Variants in CLSTN1 observed in about 807,000 individuals in gnomAD.
The protein encoded by CLSTN1 is calsyntenin-1.
A neutral mutation model predicts 108.3 loss-of-function variants in CLSTN1; 28 were observed. That is an observed-to-expected ratio of 0.26 (90% CI 0.19 to 0.35). The LOEUF is 0.35. CLSTN1 is among the 10% of genes least tolerant of loss of function. The pLI is 1.00. For missense variants in CLSTN1, 1,157 were observed against 1,302.6 expected, an observed-to-expected ratio of 0.89 and a Z score of 1.72; for synonymous variants, 524 against 534.9, an observed-to-expected ratio of 0.98 and a Z score of 0.28.
intron 1 of CLSTN1, among the ~76,000 whole-genome samples, chr1:9,819,830 C>T (rs1403810506): frequency 6.6e-6 from 1 of 152,084 alleles, no homozygotes; most frequent in Non-Finnish European, 1.5e-5. Flanking sequence ...GGTCTATATT[C>T]GAACGACTTT....
intron 16 of CLSTN1, among the ~76,000 whole-genome samples, chr1:9,732,707 G>C (rs113373210): frequency 0.015 from 2,284 of 152,342 alleles, 39 homozygotes; most frequent in East Asian, 0.043. Flanking sequence ...CAGAGCAGGA[G>C]GAGCTACCCT....
rs754287069 is a variant in CLSTN1 at position 9,731,764 on chromosome 1, C to T, written c.2560G>A (p.Ala854Thr). 32 of 1,614,042 alleles carry T rather than the reference C, an allele frequency of 2.0e-5. No homozygotes were observed. The East Asian group carries it at 2.7e-4, about 13-fold the overall frequency. ...GHNLANPHPF[A>T]VVPSTATVVI... is the part of the protein sequence containing the mutation. ...GGTCTCCCTCCCCATGTCCTACCTG[C>T]GAACGGGTGGGGGTTGGCCAGGTTG... The change falls in exon 17 of 19, where the codon GCA (alanine) becomes ACA (threonine). Residue 854 changes from alanine to threonine, a missense_variant. By Grantham distance (58) the Ala-to-Thr change is moderately conservative. Transcript: ENST00000377298.
chr1:9,776,862 TTATCTATCTATCTATC>T (rs70998308), intron 1 of CLSTN1, among the ~76,000 whole-genome samples: 70 of 140,016 alleles, frequency 5.0e-4, no homozygotes, highest in Admixed American at 5.8e-4. Flanking sequence ...CTATCAGCAT[TTATCTATCTATCTATC>T]TATCTATCTA....
intron 2 of CLSTN1, among the ~76,000 whole-genome samples, chr1:9,757,863 C>CA (rs2101122175): frequency 6.6e-6 from 1 of 152,318 alleles, no homozygotes; most frequent in East Asian, 1.9e-4. Context: ...TTCTCTCCCC[C>CA]AAAGGTAACA....
chr1:9,785,980 A>G (rs1653468169), intron 1 of CLSTN1, among the ~76,000 whole-genome samples: 1 of 151,944 alleles, frequency 6.6e-6, no homozygotes, highest in Non-Finnish European at 1.5e-5. Context: ...GTTCGACACC[A>G]GCCTGGGCAA....
chr1:9,750,093 A>C, intron 5 of CLSTN1, 180 bp from the exon 6 acceptor site: 1 of 569,784 alleles, frequency 1.8e-6, no homozygotes, highest in Non-Finnish European at 3.1e-6. Flanking sequence ...CACGCACTAA[A>C]TCCATCCTGA....
At chr1:9,805,005 C>A (rs578008924) in intron 1 of CLSTN1, among the ~76,000 whole-genome samples, 27 of 151,638 alleles carry the variant, frequency 1.8e-4, no homozygotes, top group East Asian at 1.4e-3. Flanking sequence ...GCCTGTAATC[C>A]CAGCTACTCG....
chr1:9,783,277 AC>A (rs1653333089), intron 1 of CLSTN1, among the ~76,000 whole-genome samples: 1 of 152,146 alleles, frequency 6.6e-6, no homozygotes, highest in Non-Finnish European at 1.5e-5. Context: ...AGACTTTGTA[AC>A]TAGAAATCCA....
intron 1 of CLSTN1, among the ~76,000 whole-genome samples, chr1:9,810,945 C>T (rs1420690682): frequency 6.6e-6 from 1 of 152,108 alleles, no homozygotes; most frequent in Non-Finnish European, 1.5e-5. Flanking sequence ...GTATGATATA[C>T]TTTATATGCA....
intron 2 of CLSTN1, among the ~76,000 whole-genome samples, chr1:9,761,372 G>A (rs939551924): frequency 5.3e-5 from 8 of 151,968 alleles, no homozygotes; most frequent in African/African-American, 1.7e-4. Flanking sequence ...GTGTGCCTGA[G>A]GTCCCGGCTA....
intron 1 of CLSTN1, among the ~76,000 whole-genome samples, chr1:9,806,281 A>G (rs966119551): frequency 2.0e-5 from 3 of 152,006 alleles, no homozygotes; most frequent in African/African-American, 4.8e-5. Context: ...CTCCAGCCTG[A>G]TAAGAGCAAA....
Position 9,806,230 on chromosome 1 carries a change from GA to G in CLSTN1, c.91+17412del, listed in dbSNP as rs1455767381. Among the ~76,000 whole-genome samples, 8 of 151,512 alleles carry G rather than the reference GA, an allele frequency of 5.3e-5. No individual in the cohort carries two copies. In the East Asian group the frequency reaches 9.8e-4, roughly 19 times the overall value. On this transcript the variant is annotated intron_variant, in intron 1 of 18. Transcript: ENST00000377298. ...GTTTGAACCCAGGGCAGGGGGGGTG[GA>G]GGGGGGGAGGTTGCAGTGAGCTGAG...
rs376962437 is a variant in CLSTN1, at chr1:9,742,776, C to T, written c.1356+1108G>A. On this transcript the variant is annotated intron_variant, in intron 9 of 18. Transcript: ENST00000377298. ...TACAAAAATTAGCCGGGCGTGGTGG[C>T]GCACGCCTGTAATCCCAGCTACTCA... Among the ~76,000 whole-genome samples the T allele has an allele frequency of 7.2e-5, 11 of 152,198 alleles. No individual in the cohort carries two copies. The East Asian group carries it at 1.9e-3, about 27-fold the overall frequency.
At chr1:9,796,459 G>A (rs929948752) in intron 1 of CLSTN1, among the ~76,000 whole-genome samples, 4 of 149,656 alleles carry the variant, frequency 2.7e-5, no homozygotes, top group African/African-American at 7.3e-5. Context: ...GGTGGATCAC[G>A]AGGTCAGGAA....
intron 1 of CLSTN1, among the ~76,000 whole-genome samples, chr1:9,808,658 A>C (rs1354147523): frequency 6.6e-6 from 1 of 152,098 alleles, no homozygotes; most frequent in Non-Finnish European, 1.5e-5. Flanking sequence ...CGGTTTACCC[A>C]GGCCTGGGGA....
chr1:9,811,542 TA>T (rs142881448), intron 1 of CLSTN1, among the ~76,000 whole-genome samples: 2,441 of 152,102 alleles, frequency 0.016, 65 homozygotes, highest in African/African-American at 0.056. Context: ...CCCTTCCAAC[TA>T]GTCACAAGGC....
chr1:9,745,641 C>T (rs183112616), intron 7 of CLSTN1, among the ~76,000 whole-genome samples: 1 of 151,862 alleles, frequency 6.6e-6, no homozygotes, highest in African/African-American at 2.4e-5. Context: ...TGGGCGAGTG[C>T]GACCCTGTCT....
intron 10 of CLSTN1, among the ~76,000 whole-genome samples, chr1:9,739,842 AGTTTCGCTCT>A (rs1650885509): frequency 2.0e-5 from 2 of 101,024 alleles, no homozygotes; most frequent in South Asian, 6.2e-4. Context: ...TTTGAGACGG[AGTTTCGCTCT>A]GTCACCTAGG....
intron 15 of CLSTN1, among the ~76,000 whole-genome samples, 194 bp from the exon 16 acceptor site, chr1:9,733,740 T>C (rs767176802): frequency 1.3e-5 from 2 of 152,174 alleles, no homozygotes; most frequent in Non-Finnish European, 2.9e-5. Context: ...GGGGGACGTG[T>C]CATCCCACGC....
Sources: gnomAD v4.1 joint callset for allele counts (sites outside exome capture counted in the v4.1 genomes callset) on GRCh38, gnomAD v4.1.1 for gene constraint, MANE v1.5 for transcripts, NCBI Gene and HGNC (gene_info 2026-07-23, HGNC 2026-07-21) for gene names.